The following KLF8 variants were observed in gnomAD, a reference collection of about 807,000 sequenced individuals.
KLF8 encodes the protein KLF transcription factor 8, also known as Krueppel-like factor 8.
In KLF8, 10 loss-of-function variants were observed where a neutral mutation model predicts 18.2. That is an observed-to-expected ratio of 0.55 (90% CI 0.34 to 0.93). KLF8 has a LOEUF of 0.93. KLF8 is among the 40% of genes least tolerant of loss of function. The probability of loss-of-function intolerance (pLI) is 0.02; values close to 1 mark genes in which losing one functional copy is unlikely to be tolerated. For synonymous variants in KLF8, 109 were observed against 97.3 expected (o/e 1.12, Z -0.71); for missense variants, 264 against 277.9 (o/e 0.95, Z 0.36).
the KLF8 span, among the ~76,000 whole-genome samples, chrX:56,138,397 C>T: frequency 9.0e-6 from 1 of 111,542 alleles, no homozygotes; most frequent in East Asian, 2.8e-4. Flanking sequence ...CCCTAATGAA[C>T]ATTGATGCAA....
the KLF8 span, among the ~76,000 whole-genome samples, chrX:55,971,028 G>A: frequency 9.0e-6 from 1 of 111,190 alleles, no homozygotes; most frequent in African/African-American, 3.3e-5. Context: ...CTACGAAAAT[G>A]CTAATGACAT....
chrX:56,114,222 G>C, the KLF8 span, among the ~76,000 whole-genome samples: 1 of 111,933 alleles, frequency 8.9e-6, no homozygotes, highest in Non-Finnish European at 1.9e-5. Context: ...ACCCACAGGG[G>C]ATAAAGGCCT....
the KLF8 span, among the ~76,000 whole-genome samples, chrX:56,183,210 G>T: frequency 8.9e-6 from 1 of 111,848 alleles, no homozygotes; most frequent in Non-Finnish European, 1.9e-5. Context: ...CTTGCAGTTC[G>T]ATCTTGGACT....
the KLF8 span, among the ~76,000 whole-genome samples, chrX:56,075,639 C>A: frequency 7.2e-5 from 8 of 111,723 alleles, no homozygotes; most frequent in African/African-American, 2.6e-4. Context: ...TACCCATTAA[C>A]CATCCTCACC....
the KLF8 span, among the ~76,000 whole-genome samples, chrX:56,159,788 A>G: frequency 9.1e-6 from 1 of 110,038 alleles, no homozygotes; most frequent in African/African-American, 3.3e-5. Context: ...TTTCTTCTTT[A>G]TTAGTCTTGG....
At chrX:56,225,511 T>C in the KLF8 span, among the ~76,000 whole-genome samples, 3 of 111,989 alleles carry the variant, frequency 2.7e-5, no homozygotes, top group Admixed American at 9.5e-5. Context: ...TGAGGGATCA[T>C]GACATAGAAG....
intron 1 of KLF8, among the ~76,000 whole-genome samples, chrX:56,249,658 G>A (rs2066676292): frequency 8.9e-6 from 1 of 111,753 alleles, no homozygotes; most frequent in African/African-American, 3.2e-5. Flanking sequence ...CAGAAAATCT[G>A]GTTGAGGAAG....
the KLF8 span, among the ~76,000 whole-genome samples, chrX:56,200,724 G>T: frequency 9.0e-6 from 1 of 111,149 alleles, no homozygotes; most frequent in Non-Finnish European, 1.9e-5. Context: ...TGATAAATGT[G>T]TTAATAATCA....
upstream of KLF8, among the ~76,000 whole-genome samples, chrX:56,232,163 C>A (rs2066407603): frequency 8.9e-6 from 1 of 111,947 alleles, no homozygotes; most frequent in East Asian, 2.8e-4. Context: ...AATAGGTAAT[C>A]AAGCAGTGTG....
chrX:56,033,488 A>C, the KLF8 span, among the ~76,000 whole-genome samples: 2 of 111,805 alleles, frequency 1.8e-5, no homozygotes, highest in Non-Finnish European at 3.8e-5. Flanking sequence ...AGGAGTGCAG[A>C]CATCCCTTCT....
the KLF8 span, among the ~76,000 whole-genome samples, chrX:56,010,386 A>G: frequency 8.9e-6 from 1 of 112,242 alleles, no homozygotes; most frequent in African/African-American, 3.2e-5. Context: ...AAGGAGAATT[A>G]AAATCCTTTT....
chrX:56,159,679 G>T, the KLF8 span, among the ~76,000 whole-genome samples: 2 of 112,337 alleles, frequency 1.8e-5, no homozygotes, highest in African/African-American at 3.2e-5. Flanking sequence ...TTGCATAGAG[G>T]TGTTTATAGT....
chrX:55,920,689 G>A, the KLF8 span, among the ~76,000 whole-genome samples: 8 of 110,640 alleles, frequency 7.2e-5, no homozygotes, highest in African/African-American at 2.6e-4. Flanking sequence ...TCGAAGACAA[G>A]ACTTTTGAAT....
At chrX:56,136,443 A>G in the KLF8 span, among the ~76,000 whole-genome samples, 1 of 110,941 alleles carries the variant, frequency 9.0e-6, no homozygotes, top group Non-Finnish European at 1.9e-5. Flanking sequence ...CCTCAGAAAT[A>G]ACGCCGCATA....
At chrX:56,034,977 G>A in the KLF8 span, among the ~76,000 whole-genome samples, 2 of 108,888 alleles carry the variant, frequency 1.8e-5, no homozygotes, top group Non-Finnish European at 3.8e-5. Flanking sequence ...GGATGGTCTC[G>A]ATCTCCTGAC....
At chrX:55,988,328 GT>G in the KLF8 span, among the ~76,000 whole-genome samples, 1 of 111,185 alleles carries the variant, frequency 9.0e-6, no homozygotes, top group Non-Finnish European at 1.9e-5. Flanking sequence ...GGTTTTTATG[GT>G]TTTAGGTCTA....
the KLF8 span, among the ~76,000 whole-genome samples, chrX:56,043,446 A>AC: frequency 9.0e-6 from 1 of 111,238 alleles, no homozygotes; most frequent in African/African-American, 3.3e-5. Context: ...GGTTTCAGGT[A>AC]CCCCAATCAG....
the KLF8 span, among the ~76,000 whole-genome samples, chrX:55,976,613 C>A: frequency 9.6e-6 from 1 of 104,472 alleles, no homozygotes; most frequent in African/African-American, 3.4e-5. Flanking sequence ...ATTCCTTTGG[C>A]AGTTCGGCAT....
chrX:56,065,321 A>C, the KLF8 span, among the ~76,000 whole-genome samples: 1 of 111,315 alleles, frequency 9.0e-6, no homozygotes, highest in East Asian at 2.8e-4. Flanking sequence ...ATTTGAAAAG[A>C]TCTGTCTTCA....
Sources: gnomAD v4.1 joint callset for allele counts (sites outside exome capture counted in the v4.1 genomes callset) on GRCh38, gnomAD v4.1.1 for gene constraint, MANE v1.5 for transcripts, NCBI Gene and HGNC (gene_info 2026-07-23, HGNC 2026-07-21) for gene names.